CNGA3: variants seen among roughly 807,000 people sequenced by gnomAD.
The protein encoded by CNGA3 is cyclic nucleotide gated channel subunit alpha 3.
In CNGA3, 42 loss-of-function variants were observed where a neutral mutation model predicts 46.6. The observed-to-expected ratio is 0.90, with a 90% CI of 0.70 to 1.17. CNGA3 has a LOEUF of 1.17. CNGA3 is among the 50% of genes most tolerant of loss of function. The pLI is 0.00. For synonymous variants in CNGA3, 394 were observed against 369.4 expected, an observed-to-expected ratio of 1.07 and a Z score of -0.76; for missense variants, 893 against 890.7, an observed-to-expected ratio of 1.00 and a Z score of -0.03.
Position 98,353,729 on chromosome 2 carries a change from AG to A in CNGA3, c.-38+7197del, listed in dbSNP as rs574838379. On this transcript the variant is annotated intron_variant, in intron 1 of 7. Transcript: ENST00000272602. ...GAACTTGGTAATTTATAAAGAAAAG[AG>A]GTTTACTCAGCTCATAGTTCTGCAG... Among the ~76,000 whole-genome samples the A allele has an allele frequency of 2.6e-4, 40 of 152,332 alleles. No individual in the cohort carries two copies. In the East Asian group the frequency reaches 3.5e-3, roughly 13 times the overall value.
chr2:98,388,632 G>A (rs114644663), intron 5 of CNGA3, among the ~76,000 whole-genome samples: 3,661 of 152,312 alleles, frequency 0.024, 148 homozygotes, highest in African/African-American at 0.084. Flanking sequence ...CCGGTGGGCA[G>A]CCGGGGGCTG....
intron 2 of CNGA3, 111 bp downstream of exon 2, chr2:98,370,187 A>T: frequency 1.2e-6 from 1 of 831,252 alleles, no homozygotes; most frequent in Non-Finnish European, 2.0e-6. Flanking sequence ...CACAGGTCAG[A>T]GGGCAGGGGA....
chr2:98,385,487 T>G (rs1016672324), intron 5 of CNGA3, among the ~76,000 whole-genome samples: 4 of 152,190 alleles, frequency 2.6e-5, no homozygotes, highest in African/African-American at 9.7e-5. Context: ...ACCATGGAAT[T>G]CCACTATCAG....
At chr2:98,361,269 G>A (rs1391917388) in intron 1 of CNGA3, among the ~76,000 whole-genome samples, 1 of 152,188 alleles carries the variant, frequency 6.6e-6, no homozygotes, top group Non-Finnish European at 1.5e-5. Context: ...TTATAAGTGA[G>A]AACATGCAGT....
chr2:98,357,620 T>C (rs1404323331), intron 1 of CNGA3, among the ~76,000 whole-genome samples: 1 of 152,112 alleles, frequency 6.6e-6, no homozygotes, highest in Non-Finnish European at 1.5e-5. Context: ...GTATAGTGCC[T>C]GGGACATCAT....
chr2:98,350,289 A>G (rs1357184561), intron 1 of CNGA3, among the ~76,000 whole-genome samples: 1 of 152,232 alleles, frequency 6.6e-6, no homozygotes, highest in African/African-American at 2.4e-5. Context: ...AATTGAAATG[A>G]AATCCTCAGC....
chr2:98,357,632 G>T (rs1465412069), intron 1 of CNGA3, among the ~76,000 whole-genome samples: 1 of 152,086 alleles, frequency 6.6e-6, no homozygotes, highest in African/African-American at 2.4e-5. Flanking sequence ...GGACATCATT[G>T]GCAAGGAGTC....
intron 1 of CNGA3, among the ~76,000 whole-genome samples, chr2:98,357,110 G>C (rs1691900041): frequency 1.3e-5 from 2 of 152,194 alleles, no homozygotes; most frequent in African/African-American, 4.8e-5. Context: ...CCGGGTGTTT[G>C]AAGAATAAAA....
intron 7 of CNGA3, 103 bp from the exon 8 acceptor site, chr2:98,395,741 T>TC: frequency 1.1e-6 from 1 of 877,322 alleles, no homozygotes; most frequent in Middle Eastern, 2.8e-4. Context: ...TATATATGTA[T>TC]CACTGCATAC....
chr2:98,378,151 T>C, intron 3 of CNGA3: 1 of 1,550,706 alleles, frequency 6.4e-7, no homozygotes, highest in South Asian at 1.2e-5. Flanking sequence ...AGTGGTGTGC[T>C]GAGGATGGTG....
intron 3 of CNGA3, 150 bp downstream of exon 3, chr2:98,377,950 G>A: frequency 7.4e-7 from 1 of 1,357,972 alleles, no homozygotes; most frequent in Non-Finnish European, 1.0e-6. Flanking sequence ...AAAACTATCA[G>A]TGAGTAATTT....
chr2:98,396,481 T>A lies in CNGA3; in HGVS notation c.1311T>A (p.Val437=). The A allele has an allele frequency of 6.2e-7, 1 of 1,614,034 alleles. No individual in the cohort carries two copies. Among genetic ancestry groups the A allele is most frequent in the South Asian group, 1.1e-5 (1 of 91,078 alleles). ...TCACCAAGGACTTGGAGACGCGGGT[T>A]ATCCGGTGGTTTGACTACCTGTGGG... ...RKVTKDLETR[V]IRWFDYLWAN... is the part of the protein sequence containing the mutation. The change falls in exon 8 of 8, where the codon GTT becomes GTA. Residue 437 remains valine, a synonymous_variant. Transcript: ENST00000272602.
intron 5 of CNGA3, among the ~76,000 whole-genome samples, chr2:98,388,410 G>C (rs1471373014): frequency 6.6e-6 from 1 of 152,114 alleles, no homozygotes; most frequent in Non-Finnish European, 1.5e-5. Flanking sequence ...GGGCTCCAGG[G>C]CTGGGTATCT....
intron 1 of CNGA3, among the ~76,000 whole-genome samples, chr2:98,362,402 A>T (rs908499667): frequency 5.3e-5 from 8 of 150,740 alleles, no homozygotes; most frequent in Non-Finnish European, 1.0e-4. Flanking sequence ...GCTGGTATCG[A>T]ACTCCTGACC....
chr2:98,375,240 GTGCCCTCA>G (rs1692379161), intron 2 of CNGA3, among the ~76,000 whole-genome samples: 1 of 152,234 alleles, frequency 6.6e-6, no homozygotes. Context: ...GTCTCAGGAT[GTGCCCTCA>G]TGCAATTAGC....
chr2:98,396,581 A>G lies in CNGA3; in HGVS notation c.1411A>G (p.Asn471Asp), dbSNP rs1432354394. Reference protein sequence around the residue: ...PDKLKAEIAINVHLDTLKKVR... With the variant: ...PDKLKAEIAIDVHLDTLKKVR... Reference sequence around the variant, plus strand: ...CAAGCTGAAGGCTGAGATCGCCATCAACGTGCACCTGGACACGCTGAAGAA... The same window carrying G: ...CAAGCTGAAGGCTGAGATCGCCATCGACGTGCACCTGGACACGCTGAAGAA... The change falls in exon 8 of 8, where the codon AAC (asparagine) becomes GAC (aspartate). Residue 471 changes from asparagine (N) to aspartate (D), a missense_variant. By Grantham distance (23) the Asn-to-Asp change is conservative. Coordinates refer to ENST00000272602, the MANE Select transcript of CNGA3 (RefSeq NM_001298.3). 1 of 1,613,994 alleles carries G rather than the reference A, an allele frequency of 6.2e-7. No individual in the cohort carries two copies. Among genetic ancestry groups the G allele is most frequent in the Non-Finnish European group, 8.5e-7 (1 of 1,179,962 alleles).
chr2:98,363,635 A>G (rs750787407), intron 1 of CNGA3, among the ~76,000 whole-genome samples: 28 of 152,190 alleles, frequency 1.8e-4, no homozygotes, highest in Non-Finnish European at 3.4e-4. Flanking sequence ...TCAGTATGAT[A>G]TTGGATATGG....
rs547814395 is a variant in CNGA3 at position 98,397,701 on chromosome 2, T to C, written c.*446T>C. ...ATAACAGGAAGCTGAAGGTACAACA[T>C]AGTGACTAAAATTCAGACTTACACA... On this transcript the variant is annotated 3_prime_UTR_variant, in exon 8 of 8. Coordinates refer to ENST00000272602, the MANE Select transcript of CNGA3 (RefSeq NM_001298.3). The C allele has an allele frequency of 4.5e-6, 1 of 222,218 alleles. No homozygotes were observed. The highest frequency in any genetic ancestry group is 9.0e-6 in the Non-Finnish European group (1 of 110,788). 13.8% of individuals were successfully genotyped at this position (222,218 alleles called of 1,614,324 possible). A position where few individuals can be genotyped will look rare whatever the true frequency, so the allele number is the denominator to read the frequency against.
chr2:98,393,400 T>C (rs1692837478), intron 7 of CNGA3, among the ~76,000 whole-genome samples: 1 of 152,218 alleles, frequency 6.6e-6, no homozygotes, highest in Admixed American at 6.5e-5. Flanking sequence ...ATTACCTCCA[T>C]CTTGCTGATT....
Sources: gnomAD v4.1 joint callset for allele counts (sites outside exome capture counted in the v4.1 genomes callset) on GRCh38, gnomAD v4.1.1 for gene constraint, MANE v1.5 for transcripts, NCBI Gene and HGNC (gene_info 2026-07-23, HGNC 2026-07-21) for gene names.